Variants in RFX1 observed in about 807,000 individuals in gnomAD.
RFX1 encodes the protein MHC class II regulatory factor RFX1.
A neutral mutation model predicts 119.6 loss-of-function variants in RFX1; 42 were observed. The observed-to-expected ratio is 0.35, with a 90% confidence interval of 0.27 to 0.45. The LOEUF is 0.45. Among genes scored for constraint, RFX1 ranks in the 20% least tolerant of loss-of-function variants. The pLI is 1.00. For synonymous variants in RFX1, 628 were observed against 618.5 expected (o/e 1.02, Z -0.23); for missense variants, 1,118 against 1,368.1 (o/e 0.82, Z 2.88).
In RFX1 at chr19:13,968,338, G is replaced by A. The variant is rs572047703; in HGVS notation, c.1732+227C>T. ...GGGAAGCTCAGAACCCCCGAGAAAT[G>A]CTTTGCATTGAAAGAAATGAGAATC... On this transcript the variant is annotated intron_variant, in intron 12 of 20. Coordinates refer to ENST00000254325, the MANE Select transcript of RFX1 (RefSeq NM_002918.5). This position sits in a 1 kb window ranked among gnomAD's most constrained non-coding sequence, Gnocchi z 5.5. Among the ~76,000 whole-genome samples, 1 of 152,266 alleles carries A rather than the reference G, an allele frequency of 6.6e-6. No individual in the cohort carries two copies. Among genetic ancestry groups the A allele is most frequent in the South Asian group, 2.1e-4 (1 of 4,822 alleles).
In RFX1 at chr19:13,979,388, C is replaced by T. The variant is rs896499310; in HGVS notation, c.834+59G>A. The T allele has an allele frequency of 4.3e-5, 55 of 1,287,472 alleles. No homozygotes were observed. The East Asian group carries it at 1.4e-3, about 33-fold the overall frequency. The allele number at this position is 1,287,472 out of a possible 1,614,324, so 79.8% of individuals were successfully genotyped here. Reference sequence around the variant, plus strand: ...CCTGCGGCCTCAGGGGCCTGCACTCCCCAGCCCCAGCCCGGGACCAGCCCC... The same window carrying T: ...CCTGCGGCCTCAGGGGCCTGCACTCTCCAGCCCCAGCCCGGGACCAGCCCC... On this transcript the variant is annotated intron_variant, in intron 7 of 20. Coordinates refer to ENST00000254325, the MANE Select transcript of RFX1 (RefSeq NM_002918.5).
rs1256765335 is a variant in RFX1 at position 13,961,939 on chromosome 19, AG to A, written c.*755del. ...GGAGAAGCGTGGTCTCCGGGAAGAT[AG>A]GGGCACAGAAAAGGTTCCATTACAA... On this transcript the variant is annotated 3_prime_UTR_variant, in exon 21 of 21. Coordinates refer to ENST00000254325, the MANE Select transcript of RFX1 (RefSeq NM_002918.5). 1 of 151,854 alleles carries A rather than the reference AG, an allele frequency of 6.6e-6. No individual in the cohort carries two copies. Among genetic ancestry groups the A allele is most frequent in the Non-Finnish European group, 1.5e-5 (1 of 68,082 alleles). The allele number at this position is 151,854 out of a possible 1,614,324, so 9.4% of individuals were successfully genotyped here.
rs762030163 is a variant in RFX1, at chr19:13,980,503, C to T, written c.738+70G>A. ...GGGCTCTAATAGGCCAGAGGCACAGCCGTGGGGGGCTGCAGAGGCTGCCTG... is the reference window on the plus strand; with the variant it reads ...GGGCTCTAATAGGCCAGAGGCACAGTCGTGGGGGGCTGCAGAGGCTGCCTG... On this transcript the variant is annotated intron_variant, in intron 6 of 20. Coordinates refer to ENST00000254325, the MANE Select transcript of RFX1 (RefSeq NM_002918.5). The surrounding 1 kb of genome is among the most constrained non-coding windows in gnomAD (Gnocchi z 5.1). The T allele has an allele frequency of 5.8e-5, 58 of 993,212 alleles. No individual in the cohort carries two copies. Among genetic ancestry groups the T allele is most frequent in the Non-Finnish European group, 7.9e-5 (53 of 667,796 alleles). The allele number at this position is 993,212 out of a possible 1,614,324, so 61.5% of individuals were successfully genotyped here.
Position 13,972,884 on chromosome 19 carries a change from G to A in RFX1, c.1173C>T (p.Gly391=), listed in dbSNP as rs764147793. The change falls in exon 9 of 21, where the codon GGC becomes GGT. Residue 391 remains glycine (G), a synonymous_variant. Transcript: ENST00000254325. ...TGCCACCCCCGCCACCGCCTCCCCC[G>A]CCGCCGCCGCCACCACCACTGCCAC... The part of the protein sequence containing the change: ...GGGGSGGGGG[G]GGGGGGGGSG... 1.4e-5 allele frequency: 22 copies of A among 1,521,664 alleles called. No individual in the cohort carries two copies. Among genetic ancestry groups the A allele is most frequent in the East Asian group, 1.2e-4 (5 of 41,800 alleles). 94.3% of individuals were successfully genotyped at this position (1,521,664 alleles called of 1,614,324 possible). A position where few individuals can be genotyped will look rare whatever the true frequency, so the allele number is the denominator to read the frequency against.
At position 13,964,066 on chromosome 19, in the gene RFX1, GC is replaced by G. The variant is rs1259672016; in HGVS notation, c.2212-60del. 8 of 1,482,156 alleles carry G rather than the reference GC, an allele frequency of 5.4e-6. No homozygotes were observed. In the East Asian group the frequency reaches 2.0e-4, roughly 37 times the overall value. The allele number at this position is 1,482,156 out of a possible 1,614,324, so 91.8% of individuals were successfully genotyped here. A position where few individuals can be genotyped will look rare whatever the true frequency, so the allele number is the denominator to read the frequency against. On this transcript the variant is annotated intron_variant, in intron 16 of 20. Coordinates refer to ENST00000254325, the MANE Select transcript of RFX1 (RefSeq NM_002918.5). Reference sequence around the variant, plus strand: ...AAGGAACCCCAGCCCGCCAGCCCTGGCCCCACCCCGCTGCAACCTCCCTAAG... The same window carrying G: ...AAGGAACCCCAGCCCGCCAGCCCTGGCCCACCCCGCTGCAACCTCCCTAAG...
rs1218812111 is a variant in RFX1 at position 13,962,522 on chromosome 19, A to C, written c.*173T>G. 1 of 585,570 alleles carries C rather than the reference A, an allele frequency of 1.7e-6. No individual in the cohort carries two copies. The highest frequency in any genetic ancestry group is 2.9e-6 in the Non-Finnish European group (1 of 345,504). The allele number at this position is 585,570 out of a possible 1,614,324, so 36.3% of individuals were successfully genotyped here. On this transcript the variant is annotated 3_prime_UTR_variant, in exon 21 of 21. Coordinates refer to ENST00000254325, the MANE Select transcript of RFX1 (RefSeq NM_002918.5). Reference sequence around the variant, plus strand: ...AGAGTTTGCAGCTGCGGCTCCGCCCAGCCCACTGATTGTGCCGGCCCCATA... The same window carrying C: ...AGAGTTTGCAGCTGCGGCTCCGCCCCGCCCACTGATTGTGCCGGCCCCATA...
chr19:13,968,614 C>G lies in RFX1; in HGVS notation c.1683G>C (p.Thr561=). 1 of 1,613,290 alleles carries G rather than the reference C, an allele frequency of 6.2e-7. No individual in the cohort carries two copies. Among genetic ancestry groups the G allele is most frequent in the Non-Finnish European group, 8.5e-7 (1 of 1,179,990 alleles). ...NGVAVGQQPS[T]GLSDISAQVQ... is the part of the protein sequence containing the mutation. Reference sequence around the variant, plus strand: ...CCTGGGCGCTGATGTCCGACAGCCCCGTGCTCGGCTGCTGCCCCACCGCCA... The same window carrying G: ...CCTGGGCGCTGATGTCCGACAGCCCGGTGCTCGGCTGCTGCCCCACCGCCA... Residue 561 remains threonine, a synonymous_variant, in exon 12 of 21, where the codon ACG becomes ACC. Transcript: ENST00000254325. The surrounding 1 kb of genome is among the most constrained non-coding windows in gnomAD (Gnocchi z 5.5).
Position 13,962,571 on chromosome 19 carries a change from C to G in RFX1, c.*124G>C. 1 of 793,842 alleles carries G rather than the reference C, an allele frequency of 1.3e-6. No individual in the cohort carries two copies. The highest frequency in any genetic ancestry group is 1.9e-6 in the Non-Finnish European group (1 of 528,132). The allele number at this position is 793,842 out of a possible 1,614,324, so 49.2% of individuals were successfully genotyped here. ...TAAGGGAGGAGGGCCCCGGTCTTCC[C>G]TGTCTCGGAGTCCCCCTCCCTGCCC... On this transcript the variant is annotated 3_prime_UTR_variant, in exon 21 of 21. Coordinates refer to ENST00000254325, the MANE Select transcript of RFX1 (RefSeq NM_002918.5).
chr19:14,001,308 T>C (rs1377039317), intron 1 of RFX1, among the ~76,000 whole-genome samples: 2 of 152,200 alleles, frequency 1.3e-5, no homozygotes, highest in African/African-American at 4.8e-5. Flanking sequence ...TTCTTTCTTT[T>C]TCGTTTCTTA....
At chr19:13,984,654 G>A (rs1370989052) in intron 2 of RFX1, among the ~76,000 whole-genome samples, 2 of 152,134 alleles carry the variant, frequency 1.3e-5, no homozygotes, top group South Asian at 2.1e-4. Context: ...TCCAGAGGCC[G>A]AGGTGGGGCT....
chr19:13,974,842 T>C (rs933837892), intron 8 of RFX1, among the ~76,000 whole-genome samples: 2 of 151,284 alleles, frequency 1.3e-5, no homozygotes, highest in Non-Finnish European at 2.9e-5. Flanking sequence ...GGTCAGGAGT[T>C]CGAGACCAGC....
rs1394722084 is a variant in RFX1 at position 13,981,433 on chromosome 19, T to A, written c.621+688A>T. 2.0e-5 allele frequency among the ~76,000 whole-genome samples: 3 copies of A among 152,160 alleles called. No homozygotes were observed. The East Asian group carries it at 5.8e-4, about 29-fold the overall frequency. On this transcript the variant is annotated intron_variant, in intron 5 of 20. Coordinates refer to ENST00000254325, the MANE Select transcript of RFX1 (RefSeq NM_002918.5). ...CAACATGGTGAAACCCCATCTCTAC[T>A]AAAAATACAAAAATTAGCAGGGCGT...
chr19:13,994,719 A>ATATG (rs1555756252), intron 1 of RFX1, among the ~76,000 whole-genome samples: 11 of 126,000 alleles, frequency 8.7e-5, no homozygotes, highest in South Asian at 2.7e-4. Context: ...CTAAATATAT[A>ATATG]TGTGTGTGTG....
At position 13,990,467 on chromosome 19, in the gene RFX1, G is replaced by A. The variant is rs987119871; in HGVS notation, c.319+3058C>T. On this transcript the variant is annotated intron_variant, in intron 2 of 20. Transcript: ENST00000254325. This position sits in a 1 kb window ranked among gnomAD's most constrained non-coding sequence, Gnocchi z 4.1. ...AGGCTGAAGTGGGAGAATTGTTTGA[G>A]GCCAGGAGTTCAAGACCAGCCTGGG... is the stretch of plus-strand genomic sequence containing the variant. Among the ~76,000 whole-genome samples, 5 of 151,792 alleles carry A rather than the reference G, an allele frequency of 3.3e-5. No individual in the cohort carries two copies. Among genetic ancestry groups the A allele is most frequent in the African/African-American group, 1.2e-4 (5 of 41,262 alleles).
chr19:14,005,863 G>C (rs1292516641), intron 1 of RFX1, among the ~76,000 whole-genome samples: 1 of 147,524 alleles, frequency 6.8e-6, no homozygotes, highest in Non-Finnish European at 1.5e-5. Flanking sequence ...CCGGCCTGCC[G>C]ACCTCCACTC....
intron 1 of RFX1, among the ~76,000 whole-genome samples, chr19:14,000,259 G>A (rs1975170275): frequency 6.6e-6 from 1 of 152,168 alleles, no homozygotes; most frequent in Admixed American, 6.5e-5. Context: ...GCTGAGGCGG[G>A]CGGATCATTT....
intron 1 of RFX1, among the ~76,000 whole-genome samples, chr19:14,002,208 G>A (rs1377489671): frequency 2.6e-5 from 4 of 151,884 alleles, no homozygotes; most frequent in African/African-American, 9.7e-5. Context: ...CCAGGTACTC[G>A]GATGGCTGAG....
In RFX1 at chr19:13,962,679, C is replaced by CGGGGGGGGGGGGGGGGGGGGGGG; in HGVS notation, c.*15_*16insCCCCCCCCCCCCCCCCCCCCCCC. On this transcript the variant is annotated 3_prime_UTR_variant, in exon 21 of 21. Transcript: ENST00000254325. ...GGAGGGGTGGCGGGGGCGGGTGGGGCGGGGAGGCCAAGGGCTTAGCTGGAG... is the reference window on the plus strand; with the variant it reads ...GGAGGGGTGGCGGGGGCGGGTGGGGCGGGGGGGGGGGGGGGGGGGGGGGGGGGAGGCCAAGGGCTTAGCTGGAG... The CGGGGGGGGGGGGGGGGGGGGGGG allele has an allele frequency of 1.5e-6, 1 of 675,998 alleles. No homozygotes were observed. The highest frequency in any genetic ancestry group is 1.9e-6 in the Non-Finnish European group (1 of 540,220). 41.9% of individuals were successfully genotyped at this position (675,998 alleles called of 1,614,324 possible). A position where few individuals can be genotyped will look rare whatever the true frequency, so the allele number is the denominator to read the frequency against.
intron 8 of RFX1, among the ~76,000 whole-genome samples, chr19:13,975,309 C>G (rs1216706406): frequency 6.6e-6 from 1 of 151,198 alleles, no homozygotes. Context: ...TTGCAGTGAG[C>G]CAAGATTGCA....
Sources: gnomAD v4.1 joint callset for allele counts (sites outside exome capture counted in the v4.1 genomes callset) on GRCh38, gnomAD v4.1.1 for gene constraint, Gnocchi (gnomAD v3.1) non-coding constraint, MANE v1.5 for transcripts, NCBI Gene and HGNC (gene_info 2026-07-23, HGNC 2026-07-21) for gene names.